Variants in SPEF2 observed in about 807,000 individuals in gnomAD.
SPEF2 encodes sperm flagella and cilia-associated protein 2.
In SPEF2, 187 loss-of-function variants were observed where a neutral mutation model predicts 224.6. That is an observed-to-expected ratio of 0.83 (90% CI 0.74 to 0.94). The LOEUF (loss-of-function observed/expected upper bound fraction) is 0.94, where lower values mean the gene tolerates loss of function less well. Ranked by LOEUF, SPEF2 falls within the 40% of genes least tolerant of loss-of-function variation. The pLI is 0.00. For missense variants in SPEF2, 2,170 were observed against 2,135.6 expected (o/e 1.02, Z -0.32); for synonymous variants, 715 against 707.3 (o/e 1.01, Z -0.17).
chr5:35,618,295 C>A (rs1742956258), intron 1 of SPEF2, among the ~76,000 whole-genome samples: 1 of 152,176 alleles, frequency 6.6e-6, no homozygotes, highest in South Asian at 2.1e-4. Flanking sequence ...CCCACTCTGC[C>A]GCTCTCGAGT....
At chr5:35,772,610 G>A (rs1289548266) in intron 27 of SPEF2, among the ~76,000 whole-genome samples, 1 of 152,102 alleles carries the variant, frequency 6.6e-6, no homozygotes, top group Non-Finnish European at 1.5e-5. Flanking sequence ...TTAAAGGAAA[G>A]CACTGAGGAT....
At chr5:35,754,390 G>C (rs191955336) in intron 24 of SPEF2, among the ~76,000 whole-genome samples, 39 of 152,310 alleles carry the variant, frequency 2.6e-4, no homozygotes, top group African/African-American at 8.4e-4. Context: ...GCTGAAGTAG[G>C]TTAGAGGGTA....
intron 8 of SPEF2, among the ~76,000 whole-genome samples, chr5:35,665,329 C>G (rs1391421353): frequency 6.6e-6 from 1 of 151,750 alleles, no homozygotes; most frequent in African/African-American, 2.4e-5. Context: ...CTGCAACCCA[C>G]TTAGCTGTAA....
chr5:35,772,154 C>G (rs1580676048), intron 27 of SPEF2, among the ~76,000 whole-genome samples: 1 of 152,168 alleles, frequency 6.6e-6, no homozygotes, highest in East Asian at 1.9e-4. Flanking sequence ...CTCTTGGAGG[C>G]CTCCTGCCTA....
chr5:35,696,613 A>G (rs1238196691), intron 14 of SPEF2, among the ~76,000 whole-genome samples: 1 of 152,226 alleles, frequency 6.6e-6, no homozygotes, highest in Non-Finnish European at 1.5e-5. Context: ...TAACTTGGAT[A>G]TATCAGTGAA....
intron 4 of SPEF2, 129 bp downstream of exon 4, chr5:35,644,654 C>A: frequency 5.1e-6 from 3 of 590,820 alleles, no homozygotes; most frequent in Non-Finnish European, 8.1e-6. Flanking sequence ...TGACTTTGTC[C>A]TGCCCTACTC....
At chr5:35,771,790 G>A (rs750990969) in intron 27 of SPEF2, 34 bp downstream of exon 27, 38 of 1,563,352 alleles carry the variant, frequency 2.4e-5, no homozygotes, top group Admixed American at 6.4e-5. Flanking sequence ...AACCCTGGAT[G>A]CCTAAACCTC....
At chr5:35,775,563 C>T (rs1753498721) in intron 28 of SPEF2, among the ~76,000 whole-genome samples, 1 of 152,006 alleles carries the variant, frequency 6.6e-6, no homozygotes, top group Non-Finnish European at 1.5e-5. Flanking sequence ...TTCAATTCTT[C>T]CCTGGTGGCA....
chr5:35,709,516 T>C (rs1740678835), intron 19 of SPEF2: 1 of 989,500 alleles, frequency 1.0e-6, no homozygotes. Context: ...TATAGCTGGT[T>C]TTCCACCAGA....
rs1425510321 is a variant in SPEF2, at chr5:35,619,718, C to A, written c.58+1663C>A. Among the ~76,000 whole-genome samples, 11 of 152,050 alleles carry A rather than the reference C, an allele frequency of 7.2e-5. 1 individual carries two copies. The highest frequency in any genetic ancestry group is 5.2e-4 in the Admixed American group (8 of 15,258). The stretch of plus-strand genomic sequence containing the variant: ...ACAAAACAAACAAACAAACAAAAAA[C>A]ACCCTTTGCTGAAGTCCCCAGGACT... On this transcript the variant is annotated intron_variant, in intron 1 of 36. Transcript: ENST00000356031.
At chr5:35,753,499 T>A in intron 23 of SPEF2, 125 bp from the exon 24 acceptor site, 1 of 1,236,580 alleles carries the variant, frequency 8.1e-7, no homozygotes, top group Non-Finnish European at 1.2e-6. Flanking sequence ...AATACAGGAG[T>A]GCAATTGGTG....
At chr5:35,675,720 C>T (rs1751899877) in intron 10 of SPEF2, 3 of 279,586 alleles carry the variant, frequency 1.1e-5, no homozygotes, top group South Asian at 7.1e-5. Context: ...AGGCTTTCAA[C>T]GTGTTAGCCA....
rs1757189502 is a variant in SPEF2 at position 35,799,865 on chromosome 5, G to A, written c.4831-103G>A. ...AGCTTTACTAATTCAATCCTCAGAA[G>A]GCAACCTTATTCCAAAGCTCCTGGG... is the stretch of plus-strand genomic sequence containing the variant. On this transcript the variant is annotated intron_variant, in intron 33 of 36. Transcript: ENST00000356031. 6.4e-6 allele frequency: 8 copies of A among 1,245,426 alleles called. 1 individual carries two copies. Among genetic ancestry groups the A allele is most frequent in the East Asian group, 4.7e-5 (2 of 42,944 alleles). 77.1% of individuals were successfully genotyped at this position (1,245,426 alleles called of 1,614,324 possible). A position where few individuals can be genotyped will look rare whatever the true frequency, so the allele number is the denominator to read the frequency against.
chr5:35,704,517 T>A, intron 16 of SPEF2, 37 bp from the exon 17 acceptor site: 2 of 1,489,100 alleles, frequency 1.3e-6, no homozygotes, highest in Non-Finnish European at 1.8e-6. Context: ...AACTTTGGTT[T>A]TGAAAATTAT....
intron 30 of SPEF2, among the ~76,000 whole-genome samples, chr5:35,780,992 A>T (rs901695826): frequency 6.6e-6 from 1 of 152,160 alleles, no homozygotes; most frequent in Non-Finnish European, 1.5e-5. Flanking sequence ...ATTTTAAAAA[A>T]TAGCAGCTAT....
At chr5:35,700,320 T>G (rs1738351788) in intron 15 of SPEF2, 176 bp from the exon 16 acceptor site, 1 of 638,348 alleles carries the variant, frequency 1.6e-6, no homozygotes, top group African/African-American at 1.8e-5. Flanking sequence ...GAAGTATTTT[T>G]AAGCAAGGGA....
chr5:35,665,421 AAGGGAGGGAGAGGAACAG>A (rs1259278671), intron 8 of SPEF2, among the ~76,000 whole-genome samples: 1 of 146,796 alleles, frequency 6.8e-6, no homozygotes, highest in East Asian at 2.2e-4. Context: ...CAGCTGGATG[AAGGGAGGGAGAGGAACAG>A]AGGGAGGGAG....
chr5:35,654,413 G>A (rs1165187022), intron 6 of SPEF2, 127 bp from the exon 7 acceptor site: 1 of 695,544 alleles, frequency 1.4e-6, no homozygotes, highest in Admixed American at 3.5e-5. Context: ...TTTCTTCAAT[G>A]CTTGTATTAA....
Position 35,776,259 on chromosome 5 carries a change from A to G in SPEF2, c.4081A>G (p.Ile1361Val), listed in dbSNP as rs768492940. 4 of 1,603,536 alleles carry G rather than the reference A, an allele frequency of 2.5e-6. No individual in the cohort carries two copies. Among genetic ancestry groups the G allele is most frequent in the Non-Finnish European group, 3.4e-6 (4 of 1,176,798 alleles). Residue 1361 changes from isoleucine (I) to valine (V), a missense_variant and splice_region_variant, in exon 29 of 37, where the codon ATA becomes GTA. Transcript: ENST00000356031. ...EHLAALQFEE[I>V]ATQFRLELIK... is the part of the protein sequence containing the mutation. ...TTCTTATTTCTCTTTGCAAATAGAA[A>G]TAGCCACGCAATTTCGACTTGAACT... is the stretch of plus-strand genomic sequence containing the variant.
Sources: allele counts gnomAD v4.1 joint callset (sites outside exome capture counted in the v4.1 genomes callset), GRCh38; gene constraint gnomAD v4.1.1; transcripts MANE v1.5; gene names NCBI Gene and HGNC (gene_info 2026-07-23, HGNC 2026-07-21).